The following USP50 variants were observed in gnomAD, a reference collection of about 807,000 sequenced individuals.
The protein encoded by USP50 is ubiquitin carboxyl-terminal hydrolase 50.
In USP50, 37 loss-of-function variants were observed where a neutral mutation model predicts 39.2. The ratio of observed to expected loss-of-function variants is 0.94; its 90% CI spans 0.73 to 1.24. The LOEUF (loss-of-function observed/expected upper bound fraction) is 1.24. USP50 is among the 50% of genes most tolerant of loss of function. The pLI, the probability that USP50 is intolerant of heterozygous loss-of-function variation, is 0.00. For missense variants in USP50, 374 were observed against 398.2 expected (o/e 0.94, Z 0.52); for synonymous variants, 139 against 144.5 (o/e 0.96, Z 0.27).
chr15:50,532,378 T>A (rs796592206), intron 5 of USP50, among the ~76,000 whole-genome samples: 2 of 152,042 alleles, frequency 1.3e-5, no homozygotes, highest in Admixed American at 1.3e-4. Flanking sequence ...AACACCCAAC[T>A]CCAGCCCACT....
At position 50,531,813 on chromosome 15, in the gene USP50, G is replaced by T. The variant is rs559438108; in HGVS notation, c.804-1884C>A. On this transcript the variant is annotated intron_variant, in intron 5 of 6. Coordinates refer to ENST00000532404, the MANE Select transcript of USP50 (RefSeq NM_203494.5). ...TCAGTTCAACACGTAAGGAAACTTT[G>T]AAGTCACCATTCTGTCCTAACAAGT... Among the ~76,000 whole-genome samples the T allele has an allele frequency of 5.3e-5, 8 of 152,266 alleles. No homozygotes were observed. In the South Asian group the frequency reaches 1.7e-3, roughly 32 times the overall value.
chr15:50,518,734 C>G (rs1005487880), intron 6 of USP50, among the ~76,000 whole-genome samples: 3 of 151,892 alleles, frequency 2.0e-5, no homozygotes, highest in African/African-American at 7.3e-5. Context: ...GAAAATGCTT[C>G]AGGATATTGG....
intron 6 of USP50, chr15:50,503,510 A>G (rs906852971): frequency 6.6e-6 from 1 of 152,244 alleles, no homozygotes; most frequent in Non-Finnish European, 1.5e-5. Context: ...ATCCACATAC[A>G]AAGCCAGGAC....
Position 50,546,535 on chromosome 15 carries a change from A to AC in USP50, c.-11dup, listed in dbSNP as rs1349898369. ...ACGGCTGAGAAGTCATTTTAATGGA[A>AC]CCACGTTGGACTTTTGCTTCTATTC... On this transcript the variant is annotated 5_prime_UTR_variant, in exon 1 of 7. Transcript: ENST00000532404. 6.2e-7 allele frequency: 1 copy of AC among 1,613,354 alleles called. No homozygotes were observed. Among genetic ancestry groups the AC allele is most frequent in the South Asian group, 1.1e-5 (1 of 91,068 alleles).
chr15:50,519,256 C>A (rs2052828456), intron 6 of USP50, among the ~76,000 whole-genome samples: 1 of 152,084 alleles, frequency 6.6e-6, no homozygotes, highest in African/African-American at 2.4e-5. Context: ...GACTGCACTC[C>A]AGCCTGGGCA....
At chr15:50,522,218 A>T (rs185164264) in intron 6 of USP50, among the ~76,000 whole-genome samples, 12 of 151,792 alleles carry the variant, frequency 7.9e-5, no homozygotes, top group African/African-American at 2.9e-4. Context: ...TGAGCCCAGG[A>T]GTTTAAGACC....
intron 6 of USP50, chr15:50,506,876 T>C (rs2052668061): frequency 7.4e-6 from 1 of 134,278 alleles, no homozygotes; most frequent in South Asian, 2.3e-4. Context: ...GAGAATGGCA[T>C]GAACCCAGGA....
At chr15:50,507,736 T>C (rs937826320) in intron 6 of USP50, 1 of 152,106 alleles carries the variant, frequency 6.6e-6, no homozygotes, top group Non-Finnish European at 1.5e-5. Flanking sequence ...GATGAGTATC[T>C]GACTCCTGAA....
chr15:50,531,939 GA>G (rs2141372461), intron 5 of USP50: 25 of 320,130 alleles, frequency 7.8e-5, no homozygotes, highest in South Asian at 6.5e-4. Context: ...AAAGAGCAGT[GA>G]GGTCACAGGA....
chr15:50,503,437 G>A (rs968079045), intron 6 of USP50: 2 of 152,236 alleles, frequency 1.3e-5, no homozygotes, highest in Non-Finnish European at 2.9e-5. Flanking sequence ...GGTTTTAAAG[G>A]TCACGCAAGG....
At chr15:50,537,723 G>A (rs1270800695) in intron 5 of USP50, among the ~76,000 whole-genome samples, 1 of 151,310 alleles carries the variant, frequency 6.6e-6, no homozygotes, top group African/African-American at 2.4e-5. Context: ...AGCTGGGCGT[G>A]GTGGCGGGTG....
intron 6 of USP50, among the ~76,000 whole-genome samples, chr15:50,527,071 G>A (rs1023549402): frequency 6.6e-6 from 1 of 152,206 alleles, no homozygotes; most frequent in Admixed American, 6.5e-5. Flanking sequence ...CTCTTTTAAG[G>A]ATGGTGCAGG....
At chr15:50,544,918 C>G in intron 1 of USP50, 137 bp from the exon 2 acceptor site, 1 of 870,330 alleles carries the variant, frequency 1.1e-6, no homozygotes, top group Non-Finnish European at 1.7e-6. Context: ...CTACCAAGGA[C>G]AGGAAGTATT....
At chr15:50,524,664 T>C (rs769060478) in intron 6 of USP50, among the ~76,000 whole-genome samples, 15 of 152,226 alleles carry the variant, frequency 9.9e-5, no homozygotes, top group Non-Finnish European at 2.1e-4. Context: ...ACTTTGTTGG[T>C]GGGAATGTAA....
chr15:50,544,589 T>A lies in USP50; in HGVS notation c.246A>T (p.Gln82His), dbSNP rs2053056866. ...FLTGKYITAL[Q>H]NDCSEVATAF... is the part of the protein sequence containing the mutation. Reference sequence around the variant, plus strand: ...GCAGGGAATGCAAATGGTCTTACTTTTGCAGAGCGGTGATATACTTCCCGG... The same window carrying A: ...GCAGGGAATGCAAATGGTCTTACTTATGCAGAGCGGTGATATACTTCCCGG... The change falls in exon 2 of 7, where the codon CAA becomes CAT. Residue 82 changes from glutamine to histidine, a missense_variant and splice_region_variant. By Grantham distance (24) the Gln-to-His change is conservative (BLOSUM62 0). Coordinates refer to ENST00000532404, the MANE Select transcript of USP50 (RefSeq NM_203494.5). 6.2e-7 allele frequency: 1 copy of A among 1,612,552 alleles called. No individual in the cohort carries two copies. The highest frequency in any genetic ancestry group is 1.7e-5 in the Admixed American group (1 of 59,820).
At chr15:50,514,120 T>G (rs1385549282) in intron 6 of USP50, 3 of 152,116 alleles carry the variant, frequency 2.0e-5, no homozygotes, top group Non-Finnish European at 4.4e-5. Context: ...ACAATATGGA[T>G]GAACATTACA....
chr15:50,544,958 C>A, intron 1 of USP50, among the ~76,000 whole-genome samples, 177 bp from the exon 2 acceptor site: 1 of 152,158 alleles, frequency 6.6e-6, no homozygotes, highest in South Asian at 2.1e-4. Context: ...TGTATTATGG[C>A]AGAGCATAGT....
chr15:50,509,427 C>T (rs2052710031), intron 6 of USP50: 2 of 152,174 alleles, frequency 1.3e-5, no homozygotes. Context: ...GCAGGCGGAT[C>T]ACCAGGTCAG....
downstream of USP50, chr15:50,497,011 GACTA>G (rs202190406): frequency 5.3e-6 from 8 of 1,516,568 alleles, no homozygotes; most frequent in African/African-American, 7.0e-5. Flanking sequence ...CCTGCAGAGT[GACTA>G]ACTAAATAGG....
Sources: gnomAD v4.1 joint callset for allele counts (sites outside exome capture counted in the v4.1 genomes callset) on GRCh38, gnomAD v4.1.1 for gene constraint, MANE v1.5 for transcripts, NCBI Gene and HGNC (gene_info 2026-07-23, HGNC 2026-07-21) for gene names.